The following LONRF2 variants were observed in gnomAD, a reference collection of about 807,000 sequenced individuals.
LONRF2 encodes the protein LON peptidase N-terminal domain and RING finger protein 2.
Under a neutral mutation model 66.6 loss-of-function variants are expected in LONRF2, and 35 were observed. That is an observed-to-expected ratio of 0.53 (90% CI 0.40 to 0.70). The LOEUF (loss-of-function observed/expected upper bound fraction) is 0.70, where lower values mean the gene tolerates loss of function less well. Ranked by LOEUF, LONRF2 falls within the 30% of genes least tolerant of loss-of-function variation. LONRF2 has a pLI of 0.00. For missense variants in LONRF2, 902 were observed against 1,002.1 expected (o/e 0.90, Z 1.35); for synonymous variants, 417 against 418.1 (o/e 1.00, Z 0.03).
Position 100,321,454 on chromosome 2 carries a change from C to A in LONRF2, c.640G>T (p.Glu214Ter). 6.7e-7 allele frequency: 1 copy of A among 1,497,844 alleles called. No individual in the cohort carries two copies. Among genetic ancestry groups the A allele is most frequent in the East Asian group, 2.8e-5 (1 of 35,738 alleles). 92.8% of individuals were successfully genotyped at this position (1,497,844 alleles called of 1,614,324 possible). A position where few individuals can be genotyped will look rare whatever the true frequency, so the allele number is the denominator to read the frequency against. Residue 214 changes from glutamate (E) to a stop codon, truncating the protein, a stop_gained, in exon 1 of 12, where the codon GAG becomes TAG. Transcript: ENST00000393437. LOFTEE classifies it high-confidence loss of function. ...TGGTCGCACCTGAGCAGCGCGGCCT[C>A]CGGCTGCTGCTGGCGCTGCAGGCTC... is the stretch of plus-strand genomic sequence containing the variant. Reference protein sequence around the residue: ...ARSLQRQQQPEAALLRCDQAL... With the variant: ...ARSLQRQQQP
At chr2:100,318,933 C>T (rs1439378437) in intron 1 of LONRF2, among the ~76,000 whole-genome samples, 1 of 151,570 alleles carries the variant, frequency 6.6e-6, no homozygotes, top group Admixed American at 6.6e-5. Context: ...AGATTGAGAC[C>T]ATCCTGGCCA....
At chr2:100,320,252 A>G (rs993325358) in intron 1 of LONRF2, among the ~76,000 whole-genome samples, 5 of 152,354 alleles carry the variant, frequency 3.3e-5, no homozygotes, top group Admixed American at 1.3e-4. Context: ...TTCTAATTGG[A>G]TAGTGCTGCT....
intron 4 of LONRF2, among the ~76,000 whole-genome samples, 181 bp from the exon 5 acceptor site, chr2:100,300,099 T>C (rs1016452566): frequency 6.6e-6 from 1 of 152,028 alleles, no homozygotes; most frequent in Non-Finnish European, 1.5e-5. Flanking sequence ...CACAGTAAAA[T>C]ACAGGATAAT....
At position 100,291,187 on chromosome 2, in the gene LONRF2, T is replaced by TA. The variant is rs373555864; in HGVS notation, c.1758-768dup. Among the ~76,000 whole-genome samples the TA allele has an allele frequency of 8.7e-3, 1,317 of 151,274 alleles. 6 individuals carry two copies. Among genetic ancestry groups the TA allele is most frequent in the Middle Eastern group, 0.028 (8 of 290 alleles). ...AGGAAGCATTCAGCTATTTTTTTTT[T>TA]AAACAAATTGCCAATGACCTTGTGT... On this transcript the variant is annotated intron_variant, in intron 9 of 11. Coordinates refer to ENST00000393437, the MANE Select transcript of LONRF2 (RefSeq NM_198461.4).
chr2:100,284,024 A>T lies in LONRF2; in HGVS notation c.*274T>A. On this transcript the variant is annotated 3_prime_UTR_variant, in exon 12 of 12. Coordinates refer to ENST00000393437, the MANE Select transcript of LONRF2 (RefSeq NM_198461.4). ...TCTGCAGGGTCCTGTGCTGTCAGTG[A>T]ACTGCATTCCCCAAGCACCTGCTTC... is the stretch of plus-strand genomic sequence containing the variant. The T allele has an allele frequency of 6.0e-6, 2 of 335,230 alleles. No homozygotes were observed. The highest frequency in any genetic ancestry group is 5.5e-5 in the South Asian group (1 of 18,286). 20.8% of individuals were successfully genotyped at this position (335,230 alleles called of 1,614,324 possible).
intron 7 of LONRF2, among the ~76,000 whole-genome samples, chr2:100,296,897 T>C (rs1049542018): frequency 6.6e-6 from 1 of 152,238 alleles, no homozygotes; most frequent in Non-Finnish European, 1.5e-5. Context: ...AAGTCATTTA[T>C]GTGCATGATG....
At chr2:100,285,720 G>A (rs974545114) in intron 11 of LONRF2, among the ~76,000 whole-genome samples, 11 of 152,070 alleles carry the variant, frequency 7.2e-5, no homozygotes, top group South Asian at 2.1e-4. Context: ...GAGGAATGCC[G>A]CCAGCCTCTA....
intron 9 of LONRF2, among the ~76,000 whole-genome samples, chr2:100,293,313 T>C (rs1238498564): frequency 6.6e-6 from 1 of 152,192 alleles, no homozygotes; most frequent in African/African-American, 2.4e-5. Context: ...CCTACACATA[T>C]TTTAAAAAGA....
intron 2 of LONRF2, among the ~76,000 whole-genome samples, chr2:100,304,976 A>G (rs1378997518): frequency 3.3e-5 from 5 of 152,012 alleles, no homozygotes; most frequent in Non-Finnish European, 7.4e-5. Flanking sequence ...GATGCCTATG[A>G]AATTTGGAAA....
intron 8 of LONRF2, among the ~76,000 whole-genome samples, 154 bp downstream of exon 8, chr2:100,295,278 C>A (rs1201430200): frequency 6.6e-6 from 1 of 152,148 alleles, no homozygotes; most frequent in African/African-American, 2.4e-5. Flanking sequence ...TAACTGCTTG[C>A]AATTATGTTT....
At chr2:100,313,220 C>T (rs1017340010) in intron 1 of LONRF2, among the ~76,000 whole-genome samples, 5 of 152,146 alleles carry the variant, frequency 3.3e-5, no homozygotes, top group African/African-American at 9.7e-5. Context: ...ATGAGCCAGG[C>T]GTGGTGGCTC....
intron 2 of LONRF2, among the ~76,000 whole-genome samples, chr2:100,307,827 T>A (rs1277819439): frequency 4.6e-5 from 7 of 152,210 alleles, no homozygotes; most frequent in Admixed American, 1.3e-4. Context: ...ATGTTTCAAA[T>A]CTACATATTG....
chr2:100,277,912 T>A lies in LONRF2; in HGVS notation c.*6386A>T, dbSNP rs1163523297. Reference sequence around the variant, plus strand: ...CAGGTGCTACAGCTGGGATTCCAGGTCTTGCCAGGACACTCCTTCATCTCT... The same window carrying A: ...CAGGTGCTACAGCTGGGATTCCAGGACTTGCCAGGACACTCCTTCATCTCT... On this transcript the variant is annotated 3_prime_UTR_variant, in exon 12 of 12. Coordinates refer to ENST00000393437, the MANE Select transcript of LONRF2 (RefSeq NM_198461.4). 1 of 152,136 alleles carries A rather than the reference T, an allele frequency of 6.6e-6. No homozygotes were observed. Among genetic ancestry groups the A allele is most frequent in the Non-Finnish European group, 1.5e-5 (1 of 68,044 alleles). 9.4% of individuals were successfully genotyped at this position (152,136 alleles called of 1,614,324 possible). A position where few individuals can be genotyped will look rare whatever the true frequency, so the allele number is the denominator to read the frequency against.
At chr2:100,309,267 T>C (rs1288400932) in intron 1 of LONRF2, 42 bp from the exon 2 acceptor site, 1 of 1,297,986 alleles carries the variant, frequency 7.7e-7, no homozygotes, top group Non-Finnish European at 1.1e-6. Flanking sequence ...AATGACTGCA[T>C]TTAAAAACAA....
chr2:100,297,788 A>G (rs1675102921), intron 7 of LONRF2, among the ~76,000 whole-genome samples: 1 of 152,258 alleles, frequency 6.6e-6, no homozygotes, highest in Non-Finnish European at 1.5e-5. Context: ...GAATTTAAAA[A>G]GATTCAGTAT....
At chr2:100,293,810 G>A (rs1447840286) in intron 9 of LONRF2, among the ~76,000 whole-genome samples, 4 of 152,132 alleles carry the variant, frequency 2.6e-5, no homozygotes. Flanking sequence ...CAACTCCTGG[G>A]CTCAAGCGAT....
chr2:100,309,286 A>G, intron 1 of LONRF2, 61 bp from the exon 2 acceptor site: 1 of 1,005,610 alleles, frequency 9.9e-7, no homozygotes, highest in Non-Finnish European at 1.5e-6. Context: ...AAGTAATCTT[A>G]ATGTCATTAC....
chr2:100,320,982 C>T (rs546749275), intron 1 of LONRF2, among the ~76,000 whole-genome samples: 1 of 152,282 alleles, frequency 6.6e-6, no homozygotes, highest in East Asian at 1.9e-4. Flanking sequence ...GCGGTTCCTT[C>T]CTGGCTATAT....
Position 100,321,590 on chromosome 2 carries a change from C to T in LONRF2, c.504G>A (p.Glu168=), listed in dbSNP as rs751275985. ...GCACCTGCGGCCGCGCGGGCCCTGG[C>T]TCCACGCAGCGCTTGCAGACTGTGA... ...CGLTVCKRCV[E]PGPARPQVRR... Residue 168 remains glutamate (E), a synonymous_variant, in exon 1 of 12, where the codon GAG becomes GAA. Coordinates refer to ENST00000393437, the MANE Select transcript of LONRF2 (RefSeq NM_198461.4). The T allele has an allele frequency of 5.2e-6, 8 of 1,526,692 alleles. No homozygotes were observed. Among genetic ancestry groups the T allele is most frequent in the South Asian group, 3.6e-5 (3 of 83,106 alleles). The allele number at this position is 1,526,692 out of a possible 1,614,324, so 94.6% of individuals were successfully genotyped here.
Sources: allele counts gnomAD v4.1 joint callset (sites outside exome capture counted in the v4.1 genomes callset), GRCh38; gene constraint gnomAD v4.1.1; transcripts MANE v1.5; gene names NCBI Gene and HGNC (gene_info 2026-07-23, HGNC 2026-07-21).